Variants in FRMD4A observed in about 807,000 individuals in gnomAD.
FRMD4A encodes FERM domain containing 4A.
A neutral mutation model predicts 129.1 loss-of-function variants in FRMD4A; 29 were observed. That is an observed-to-expected ratio of 0.22 (90% CI 0.17 to 0.31). The LOEUF (loss-of-function observed/expected upper bound fraction) is 0.31, where lower values mean the gene tolerates loss of function less well. Among genes scored for constraint, FRMD4A ranks in the 10% least tolerant of loss-of-function variants. FRMD4A has a pLI of 1.00. For synonymous variants in FRMD4A, 634 were observed against 571.6 expected (o/e 1.11, Z -1.56); for missense variants, 1,272 against 1,375.8 (o/e 0.92, Z 1.19).
intron 2 of FRMD4A, among the ~76,000 whole-genome samples, chr10:14,024,042 A>T (rs1832878841): frequency 6.6e-6 from 1 of 152,188 alleles, no homozygotes; most frequent in Admixed American, 6.5e-5. Context: ...TAGCTACTGA[A>T]GCTGCTTTGA....
At chr10:14,191,689 C>T (rs1382702781) in intron 2 of FRMD4A, among the ~76,000 whole-genome samples, 2 of 152,138 alleles carry the variant, frequency 1.3e-5, no homozygotes, top group Non-Finnish European at 2.9e-5. Flanking sequence ...AAATCTATCT[C>T]ATATTTTTAG....
intron 2 of FRMD4A, among the ~76,000 whole-genome samples, chr10:14,132,307 A>G (rs560456412): frequency 6.6e-6 from 1 of 152,234 alleles, no homozygotes; most frequent in Non-Finnish European, 1.5e-5. Flanking sequence ...AAACAAACCG[A>G]AAACCAAAAA....
At chr10:14,294,028 A>C (rs1218457) in intron 2 of FRMD4A, among the ~76,000 whole-genome samples, 1 of 151,948 alleles carries the variant, frequency 6.6e-6, no homozygotes, top group Non-Finnish European at 1.5e-5. Flanking sequence ...ACAGTACCAC[A>C]ACCAAGAAAA....
intron 2 of FRMD4A, among the ~76,000 whole-genome samples, chr10:14,150,977 C>T (rs766937807): frequency 6.6e-6 from 1 of 152,190 alleles, no homozygotes; most frequent in Non-Finnish European, 1.5e-5. Flanking sequence ...ATAACCTAAG[C>T]ATTGGATTTG....
At chr10:13,878,363 T>A (rs1032152782) in intron 2 of FRMD4A, among the ~76,000 whole-genome samples, 1 of 152,124 alleles carries the variant, frequency 6.6e-6, no homozygotes, top group Non-Finnish European at 1.5e-5. Flanking sequence ...ACTTTCCTGG[T>A]TTAACCAGTG....
At chr10:13,956,808 C>G (rs1466212494) in intron 2 of FRMD4A, among the ~76,000 whole-genome samples, 1 of 152,182 alleles carries the variant, frequency 6.6e-6, no homozygotes, top group African/African-American at 2.4e-5. Context: ...CATAAAACAG[C>G]AAGAGGTTGG....
At chr10:13,784,181 AC>A (rs1397748953) in intron 5 of FRMD4A, among the ~76,000 whole-genome samples, 1 of 152,186 alleles carries the variant, frequency 6.6e-6, no homozygotes, top group Admixed American at 6.5e-5. Flanking sequence ...AGAAACAAGT[AC>A]TACAGTTTTC....
intron 22 of FRMD4A, among the ~76,000 whole-genome samples, chr10:13,656,279 A>G (rs2082133576): frequency 6.6e-6 from 1 of 152,204 alleles, no homozygotes; most frequent in Non-Finnish European, 1.5e-5. Context: ...TACTCTCCTC[A>G]CTAGGGTAAA....
chr10:13,647,998 T>C (rs1191153225), intron 24 of FRMD4A: 2 of 148,938 alleles, frequency 1.3e-5, no homozygotes, highest in Non-Finnish European at 3.0e-5. Context: ...GGGTGAGTTT[T>C]AGGAGCATTT....
intron 2 of FRMD4A, chr10:14,326,114 T>C (rs956439549): frequency 6.6e-6 from 1 of 152,204 alleles, no homozygotes; most frequent in Non-Finnish European, 1.5e-5. Context: ...TGGCAGCTAT[T>C]TCATCGATAT....
chr10:13,978,792 G>C (rs2095550911), intron 2 of FRMD4A, among the ~76,000 whole-genome samples: 1 of 152,160 alleles, frequency 6.6e-6, no homozygotes, highest in African/African-American at 2.4e-5. Context: ...AAAATGCTTT[G>C]CTGTGTATAT....
chr10:13,689,549 C>CTTTT (rs34800095), intron 15 of FRMD4A, among the ~76,000 whole-genome samples: 33,349 of 128,160 alleles, frequency 0.26, 4,492 homozygotes, highest in Non-Finnish European at 0.31. Context: ...TTAGAAGATT[C>CTTTT]TTTTTTTTTT....
At chr10:14,192,298 A>G (rs1453806627) in intron 2 of FRMD4A, among the ~76,000 whole-genome samples, 1 of 152,256 alleles carries the variant, frequency 6.6e-6, no homozygotes, top group African/African-American at 2.4e-5. Flanking sequence ...ATCAGTGTGT[A>G]TCCACACACA....
intron 15 of FRMD4A, among the ~76,000 whole-genome samples, chr10:13,690,032 T>C (rs73592203): frequency 0.024 from 3,690 of 152,300 alleles, 141 homozygotes; most frequent in African/African-American, 0.084. Context: ...GGAACAATTA[T>C]TAGACACTAT....
chr10:14,088,920 G>A (rs1836469460), intron 2 of FRMD4A, among the ~76,000 whole-genome samples: 1 of 152,172 alleles, frequency 6.6e-6, no homozygotes, highest in African/African-American at 2.4e-5. Flanking sequence ...GTGTGGAGGA[G>A]CAGGGGCGGG....
chr10:13,977,135 G>A (rs1250657468), intron 2 of FRMD4A, among the ~76,000 whole-genome samples: 3 of 152,222 alleles, frequency 2.0e-5, no homozygotes, highest in Non-Finnish European at 2.9e-5. Flanking sequence ...GAGAGGGAAA[G>A]GCAGATATGC....
Position 14,097,778 on chromosome 10 carries a change from G to GA in FRMD4A, c.45+232279dup, listed in dbSNP as rs1005957146. ...GGGCAGAGTTAGCAAATAGATGAGA[G>GA]ATAAAAGAGAAAAAATCAGAAAACT... On this transcript the variant is annotated intron_variant, in intron 2 of 24. Coordinates refer to ENST00000357447, the MANE Select transcript of FRMD4A (RefSeq NM_018027.5). 1.8e-3 allele frequency among the ~76,000 whole-genome samples: 272 copies of GA among 150,552 alleles called. 1 individual carries two copies. Among genetic ancestry groups the GA allele is most frequent in the African/African-American group, 6.4e-3 (264 of 41,168 alleles).
At chr10:14,121,830 C>A (rs1391864786) in intron 2 of FRMD4A, among the ~76,000 whole-genome samples, 1 of 152,182 alleles carries the variant, frequency 6.6e-6, no homozygotes, top group Non-Finnish European at 1.5e-5. Flanking sequence ...TAGGCTTTCC[C>A]ACCTACAACT....
At chr10:14,153,825 C>T (rs970604931) in intron 2 of FRMD4A, among the ~76,000 whole-genome samples, 29 of 152,176 alleles carry the variant, frequency 1.9e-4, no homozygotes, top group African/African-American at 6.8e-4. Flanking sequence ...TCTCATAGCA[C>T]GGCCTCCCCT....
Sources: gnomAD v4.1 joint callset for allele counts (sites outside exome capture counted in the v4.1 genomes callset) on GRCh38, gnomAD v4.1.1 for gene constraint, MANE v1.5 for transcripts, NCBI Gene and HGNC (gene_info 2026-07-23, HGNC 2026-07-21) for gene names.